Variants in CALN1 observed in about 807,000 individuals in gnomAD.
The protein encoded by CALN1 is calcium-binding protein 8.
CALN1 carries 17 observed loss-of-function variants against 30.6 expected under a neutral mutation model. The observed-to-expected ratio is 0.56, with a 90% CI of 0.38 to 0.83. The LOEUF is 0.83. Ranked by LOEUF, CALN1 falls within the 40% of genes least tolerant of loss-of-function variation. The pLI is 0.00. For synonymous variants in CALN1, 156 were observed against 131.4 expected, an observed-to-expected ratio of 1.19 and a Z score of -1.28; for missense variants, 291 against 354.9, an observed-to-expected ratio of 0.82 and a Z score of 1.45.
In CALN1 at chr7:72,125,799, C is replaced by CTTTTTTTT. The variant is rs61475416; in HGVS notation, c.245-19513_245-19506dup. Among the ~76,000 whole-genome samples the CTTTTTTTT allele has an allele frequency of 7.4e-4, 85 of 114,768 alleles. 1 individual carries two copies. The highest frequency in any genetic ancestry group is 1.1e-3 in the Non-Finnish European group (61 of 57,804). The allele number at this position is 114,768 out of a possible 152,430, so 75.3% of individuals were successfully genotyped here. ...CAAGTCCCAAGTCCACTGTATCATT[C>CTTTTTTTT]TTTTTTTTTTTTTTTTTTTTGAGAC... On this transcript the variant is annotated intron_variant, in intron 3 of 6. Transcript: ENST00000395275.
chr7:72,435,369 A>C (rs1340019330), intron 1 of CALN1, among the ~76,000 whole-genome samples: 4 of 152,236 alleles, frequency 2.6e-5, no homozygotes, highest in Non-Finnish European at 4.4e-5. Flanking sequence ...GCTCATCTAC[A>C]ATAGCTTTCC....
Position 72,323,334 on chromosome 7 carries a change from G to A in CALN1, c.120-44524C>T, listed in dbSNP as rs566056548. Among the ~76,000 whole-genome samples the A allele has an allele frequency of 3.3e-5, 5 of 152,264 alleles. No individual in the cohort carries two copies. In the South Asian group the frequency reaches 6.2e-4, roughly 19 times the overall value. ...AAGCCCTTCGTGTGAAGCTACGGAT[G>A]TCAGGAAAATGCTTCTCTTAACTAG... On this transcript the variant is annotated intron_variant, in intron 2 of 6. Transcript: ENST00000395275.
chr7:72,225,830 G>A (rs1383558430), intron 3 of CALN1, among the ~76,000 whole-genome samples: 1 of 152,124 alleles, frequency 6.6e-6, no homozygotes, highest in Non-Finnish European at 1.5e-5. Flanking sequence ...AATAGCAGTG[G>A]ATCAGGCCTG....
chr7:72,360,142 T>G (rs1266641384), intron 2 of CALN1, among the ~76,000 whole-genome samples: 1 of 152,106 alleles, frequency 6.6e-6, no homozygotes, highest in African/African-American at 2.4e-5. Flanking sequence ...TAAAGGACAT[T>G]ATTGCAACAA....
chr7:72,110,430 G>A (rs1010946407), intron 3 of CALN1, among the ~76,000 whole-genome samples: 1 of 152,184 alleles, frequency 6.6e-6, no homozygotes, highest in African/African-American at 2.4e-5. Flanking sequence ...GGCTTACTCT[G>A]TAGTCTGTAG....
chr7:72,342,178 G>C (rs1405123509), intron 2 of CALN1, among the ~76,000 whole-genome samples: 2 of 150,622 alleles, frequency 1.3e-5, no homozygotes, highest in Non-Finnish European at 2.9e-5. Context: ...AGGATGGTTT[G>C]AGCCCAGGAG....
chr7:72,313,312 C>T (rs988036010), intron 2 of CALN1, among the ~76,000 whole-genome samples: 25 of 151,522 alleles, frequency 1.6e-4, no homozygotes, highest in Non-Finnish European at 2.8e-4. Flanking sequence ...TTGGGAAAAT[C>T]GAAAAAACAT....
At chr7:72,125,537 A>T (rs375304194) in intron 3 of CALN1, among the ~76,000 whole-genome samples, 244 of 152,250 alleles carry the variant, frequency 1.6e-3, no homozygotes, top group Non-Finnish European at 3.1e-3. Flanking sequence ...ATTTTTTTTA[A>T]AAAAATGGAA....
chr7:72,220,641 C>T lies in CALN1; in HGVS notation c.244+58045G>A, dbSNP rs200258624. On this transcript the variant is annotated intron_variant, in intron 3 of 6. Coordinates refer to ENST00000395275, the MANE Select transcript of CALN1 (RefSeq NM_031468.4). ...ACACTGACTTCCACAATGGTTGAAC[C>T]AGTTTACAGTCCCACCAACAGTGTA... 1.5e-4 allele frequency among the ~76,000 whole-genome samples: 22 copies of T among 148,964 alleles called. No homozygotes were observed. The East Asian group carries it at 2.7e-3, about 19-fold the overall frequency.
chr7:72,451,631 T>C (rs529264781), upstream of CALN1, among the ~76,000 whole-genome samples: 63 of 152,136 alleles, frequency 4.1e-4, no homozygotes, highest in African/African-American at 1.4e-3. Flanking sequence ...AAAGAGACGG[T>C]CCCTCAGCTC....
At chr7:72,466,549 G>A in the CALN1 span, among the ~76,000 whole-genome samples, 2 of 152,150 alleles carry the variant, frequency 1.3e-5, no homozygotes, top group East Asian at 1.9e-4. Flanking sequence ...TTTGAGACCA[G>A]CCTGGCCAAC....
intron 5 of CALN1, among the ~76,000 whole-genome samples, chr7:71,878,474 A>G (rs1182288796): frequency 2.6e-5 from 4 of 152,146 alleles, no homozygotes; most frequent in African/African-American, 7.2e-5. Context: ...GCTGGGCCCT[A>G]TGAGACAGCT....
intron 4 of CALN1, among the ~76,000 whole-genome samples, chr7:72,039,861 C>T (rs1802020067): frequency 6.6e-6 from 1 of 152,192 alleles, no homozygotes; most frequent in East Asian, 1.9e-4. Flanking sequence ...AAGCAGGCTC[C>T]TCCATTGCCC....
In CALN1 at chr7:72,044,063, C is replaced by T. The variant is rs572222146; in HGVS notation, c.389-20294G>A. Among the ~76,000 whole-genome samples, 31 of 152,116 alleles carry T rather than the reference C, an allele frequency of 2.0e-4. No individual in the cohort carries two copies. In the South Asian group the frequency reaches 4.8e-3, roughly 23 times the overall value. ...CCACCATGATTCAATTACCTCCCAC[C>T]GGGTCCCTCCCACAACACGCGGGAA... On this transcript the variant is annotated intron_variant, in intron 4 of 6. Coordinates refer to ENST00000395275, the MANE Select transcript of CALN1 (RefSeq NM_031468.4).
At chr7:72,101,366 G>A (rs372337320) in intron 4 of CALN1, among the ~76,000 whole-genome samples, 7 of 152,150 alleles carry the variant, frequency 4.6e-5, no homozygotes, top group African/African-American at 1.2e-4. Context: ...CCCTGCAAAT[G>A]TATCTCTGAA....
chr7:71,829,783 G>A (rs566701285), intron 5 of CALN1, among the ~76,000 whole-genome samples: 1 of 152,244 alleles, frequency 6.6e-6, no homozygotes, highest in East Asian at 1.9e-4. Context: ...TGATGAAATG[G>A]GAAACAAACA....
intron 1 of CALN1, among the ~76,000 whole-genome samples, chr7:72,407,272 C>T (rs1806763638): frequency 6.6e-6 from 1 of 152,208 alleles, no homozygotes; most frequent in African/African-American, 2.4e-5. Context: ...CTGATAATAA[C>T]ACCTACCTTT....
chr7:71,878,374 C>A (rs1326701209), intron 5 of CALN1, among the ~76,000 whole-genome samples: 1 of 151,536 alleles, frequency 6.6e-6, no homozygotes, highest in Middle Eastern at 3.2e-3. Context: ...TGCACTCCAG[C>A]CTGGGCAACA....
At chr7:72,371,453 T>C (rs1394061134) in intron 2 of CALN1, among the ~76,000 whole-genome samples, 2 of 152,062 alleles carry the variant, frequency 1.3e-5, no homozygotes, top group African/African-American at 4.8e-5. Flanking sequence ...TCTCATGAGA[T>C]CTGATGGTTT....
Sources: gnomAD v4.1 joint callset for allele counts (sites outside exome capture counted in the v4.1 genomes callset) on GRCh38, gnomAD v4.1.1 for gene constraint, MANE v1.5 for transcripts, NCBI Gene and HGNC (gene_info 2026-07-23, HGNC 2026-07-21) for gene names.